SOX12: variants seen among roughly 807,000 people sequenced by gnomAD.
SOX12 encodes transcription factor SOX-12.
In SOX12, 8 loss-of-function variants were observed where a neutral mutation model predicts 21.5. The ratio of observed to expected loss-of-function variants is 0.37; its 90% CI spans 0.22 to 0.67. SOX12 has a LOEUF of 0.67. SOX12 is among the 30% of genes least tolerant of loss of function. The pLI is 0.56. For synonymous variants in SOX12, 235 were observed against 224.2 expected (o/e 1.05, Z -0.43); for missense variants, 400 against 482.6 (o/e 0.83, Z 1.60).
chr20:325,820 C>A lies in SOX12; in HGVS notation c.-105C>A. ...AGTTCGCGGGGGCCGGGCCGAGCCG[C>A]GGGGCGGGGCCGCCCCTCCGTCGCC... On this transcript the variant is annotated 5_prime_UTR_variant, in exon 1 of 1. Coordinates refer to ENST00000342665, the MANE Select transcript of SOX12 (RefSeq NM_006943.4). The surrounding 1 kb of genome is among the most constrained non-coding windows in gnomAD (Gnocchi z 5.0). The A allele has an allele frequency of 1.9e-6, 1 of 540,456 alleles. No individual in the cohort carries two copies. The highest frequency in any genetic ancestry group is 2.4e-6 in the Non-Finnish European group (1 of 420,706). The allele number at this position is 540,456 out of a possible 1,614,324, so 33.5% of individuals were successfully genotyped here. A position where few individuals can be genotyped will look rare whatever the true frequency, so the allele number is the denominator to read the frequency against.
Position 329,262 on chromosome 20 carries a change from A to T in SOX12, c.*2390A>T, listed in dbSNP as rs1384778327. On this transcript the variant is annotated 3_prime_UTR_variant, in exon 1 of 1. Transcript: ENST00000342665. ...AGCTCCACCACTGAGCACCCGTGTG[A>T]CTCTTTCCATATGTATAACGTGGGG... 1 of 166,994 alleles carries T rather than the reference A, an allele frequency of 6.0e-6. No homozygotes were observed. The highest frequency in any genetic ancestry group is 1.9e-4 in the East Asian group (1 of 5,196). The allele number at this position is 166,994 out of a possible 1,614,324, so 10.3% of individuals were successfully genotyped here. A position where few individuals can be genotyped will look rare whatever the true frequency, so the allele number is the denominator to read the frequency against.
chr20:327,181 C>G lies in SOX12; in HGVS notation c.*309C>G, dbSNP rs181028517. On this transcript the variant is annotated 3_prime_UTR_variant, in exon 1 of 1. Coordinates refer to ENST00000342665, the MANE Select transcript of SOX12 (RefSeq NM_006943.4). ...CTCCTACAGACCTGCACCCCTCCCC[C>G]CTTTTGCACACGCCCCTCCTCGTGG... The G allele has an allele frequency of 8.3e-5, 33 of 395,772 alleles. No individual in the cohort carries two copies. The highest frequency in any genetic ancestry group is 5.5e-4 in the African/African-American group (26 of 47,384). 24.5% of individuals were successfully genotyped at this position (395,772 alleles called of 1,614,324 possible).
At position 328,170 on chromosome 20, in the gene SOX12, G is replaced by C. The variant is rs1214932699; in HGVS notation, c.*1298G>C. The C allele has an allele frequency of 1.8e-5, 3 of 167,038 alleles. No homozygotes were observed. The East Asian group carries it at 5.8e-4, about 32-fold the overall frequency. The allele number at this position is 167,038 out of a possible 1,614,324, so 10.3% of individuals were successfully genotyped here. A position where few individuals can be genotyped will look rare whatever the true frequency, so the allele number is the denominator to read the frequency against. ...CCACGTGAGAAATGGGGAGAACGCTGCTGTTAGGAGGAAGTTGTGTCCAGT... is the reference window on the plus strand; with the variant it reads ...CCACGTGAGAAATGGGGAGAACGCTCCTGTTAGGAGGAAGTTGTGTCCAGT... On this transcript the variant is annotated 3_prime_UTR_variant, in exon 1 of 1. Coordinates refer to ENST00000342665, the MANE Select transcript of SOX12 (RefSeq NM_006943.4).
In SOX12 at chr20:325,928, G is replaced by A; in HGVS notation, c.4G>A (p.Val2Met). The change falls in exon 1 of 1, where the codon GTG becomes ATG. Residue 2 changes from valine (V) to methionine (M), a missense_variant. Physicochemically the swap from Val to Met is conservative, Grantham distance 21. Coordinates refer to ENST00000342665, the MANE Select transcript of SOX12 (RefSeq NM_006943.4). The surrounding 1 kb of genome is among the most constrained non-coding windows in gnomAD (Gnocchi z 5.0). ...AGCGGCCCCGGGCCCAGGCGCGATG[G>A]TGCAGCAGCGGGGCGCGAGGGCCAA... M[V>M]QQRGARAKRD... is the part of the protein sequence containing the mutation. 3 of 1,247,344 alleles carry A rather than the reference G, an allele frequency of 2.4e-6. No individual in the cohort carries two copies. The highest frequency in any genetic ancestry group is 3.0e-6 in the Non-Finnish European group (3 of 996,342). The allele number at this position is 1,247,344 out of a possible 1,614,324, so 77.3% of individuals were successfully genotyped here.
Position 326,212 on chromosome 20 carries a change from G to A in SOX12, c.288G>A (p.Leu96=), listed in dbSNP as rs2013084192. 8 of 1,592,066 alleles carry A rather than the reference G, an allele frequency of 5.0e-6. No homozygotes were observed. Among genetic ancestry groups the A allele is most frequent in the Non-Finnish European group, 6.8e-6 (8 of 1,170,258 alleles). ...CGTTCGTGCGGGAGGCGGAGCGGCT[G>A]CGGCTCAAGCACATGGCGGATTACC... ...KIPFVREAER[L]RLKHMADYPD... Residue 96 remains leucine (L), a synonymous_variant, in exon 1 of 1, where the codon CTG becomes CTA. Transcript: ENST00000342665. This position sits in a 1 kb window ranked among gnomAD's most constrained non-coding sequence, Gnocchi z 9.9.
Position 326,321 on chromosome 20 carries a change from G to T in SOX12, c.397G>T (p.Gly133Cys). ...CCGCCCCCCCGGTGGTAGCGGTGGCGGCAGCCGGCTCAAGCCCGGGCCGCA... is the reference window on the plus strand; with the variant it reads ...CCGCCCCCCCGGTGGTAGCGGTGGCTGCAGCCGGCTCAAGCCCGGGCCGCA... ...RPRPPGGSGG[G>C]SRLKPGPQLP... The change falls in exon 1 of 1, where the codon GGC becomes TGC. Residue 133 changes from glycine to cysteine, a missense_variant. Coordinates refer to ENST00000342665, the MANE Select transcript of SOX12 (RefSeq NM_006943.4). This position sits in a 1 kb window ranked among gnomAD's most constrained non-coding sequence, Gnocchi z 9.9. 7.3e-7 allele frequency: 1 copy of T among 1,377,310 alleles called. No individual in the cohort carries two copies. The highest frequency in any genetic ancestry group is 1.7e-5 in the South Asian group (1 of 58,434). 85.3% of individuals were successfully genotyped at this position (1,377,310 alleles called of 1,614,324 possible).
At position 329,048 on chromosome 20, in the gene SOX12, A is replaced by G. The variant is rs6050276; in HGVS notation, c.*2176A>G. The G allele has an allele frequency of 0.11, 18,828 of 167,068 alleles. 1,475 individuals carry two copies. The highest frequency in any genetic ancestry group is 0.23 in the African/African-American group (9,674 of 41,510). The allele number at this position is 167,068 out of a possible 1,614,324, so 10.3% of individuals were successfully genotyped here. On this transcript the variant is annotated 3_prime_UTR_variant, in exon 1 of 1. Coordinates refer to ENST00000342665, the MANE Select transcript of SOX12 (RefSeq NM_006943.4). The stretch of plus-strand genomic sequence containing the variant: ...GGCCAGGTGGCCAGATTTTTCAAGA[A>G]AAGCTGGATGGATGTTTCTGAGTCA...
rs2013146647 is a variant in SOX12, at chr20:328,628, T to C, written c.*1756T>C. 6.1e-6 allele frequency: 1 copy of C among 164,832 alleles called. No individual in the cohort carries two copies. The highest frequency in any genetic ancestry group is 1.5e-5 in the Non-Finnish European group (1 of 67,898). The allele number at this position is 164,832 out of a possible 1,614,324, so 10.2% of individuals were successfully genotyped here. A position where few individuals can be genotyped will look rare whatever the true frequency, so the allele number is the denominator to read the frequency against. On this transcript the variant is annotated 3_prime_UTR_variant, in exon 1 of 1. Transcript: ENST00000342665. ...ACTGTCTGTGGTCTTGGAGAACTAG[T>C]CTCGTAGCTGAGGGGTGGGGTCCCT...
In SOX12 at chr20:326,311, T is replaced by C; in HGVS notation, c.387T>C (p.Gly129=). 7.2e-7 allele frequency: 1 copy of C among 1,392,720 alleles called. No homozygotes were observed. The highest frequency in any genetic ancestry group is 9.4e-7 in the Non-Finnish European group (1 of 1,069,412). 86.3% of individuals were successfully genotyped at this position (1,392,720 alleles called of 1,614,324 possible). Reference sequence around the variant, plus strand: ...AGGCGCGGCCCCGCCCCCCCGGTGGTAGCGGTGGCGGCAGCCGGCTCAAGC... The same window carrying C: ...AGGCGCGGCCCCGCCCCCCCGGTGGCAGCGGTGGCGGCAGCCGGCTCAAGC... ...PAKARPRPPG[G]SGGGSRLKPG... The change falls in exon 1 of 1, where the codon GGT becomes GGC. Residue 129 remains glycine (G), a synonymous_variant. Coordinates refer to ENST00000342665, the MANE Select transcript of SOX12 (RefSeq NM_006943.4). The surrounding 1 kb of genome is among the most constrained non-coding windows in gnomAD (Gnocchi z 9.9).
rs55771757 is a variant in SOX12, at chr20:326,997, G to A, written c.*125G>A. 5 of 871,696 alleles carry A rather than the reference G, an allele frequency of 5.7e-6. No homozygotes were observed. Among genetic ancestry groups the A allele is most frequent in the Admixed American group, 1.9e-5 (1 of 52,998 alleles). 54.0% of individuals were successfully genotyped at this position (871,696 alleles called of 1,614,324 possible). ...CCGCGCAGCCTGCCCCCTCCTGGAC[G>A]TGCCCATCCCCCCTCAGATCCAGAC... On this transcript the variant is annotated 3_prime_UTR_variant, in exon 1 of 1. Coordinates refer to ENST00000342665, the MANE Select transcript of SOX12 (RefSeq NM_006943.4). The surrounding 1 kb of genome is among the most constrained non-coding windows in gnomAD (Gnocchi z 9.9).
chr20:327,018 C>A lies in SOX12; in HGVS notation c.*146C>A. ...GGACGTGCCCATCCCCCCTCAGATCCAGACATGCCCCTCCCCCGCAGACAC... is the reference window on the plus strand; with the variant it reads ...GGACGTGCCCATCCCCCCTCAGATCAAGACATGCCCCTCCCCCGCAGACAC... On this transcript the variant is annotated 3_prime_UTR_variant, in exon 1 of 1. Transcript: ENST00000342665. 1.4e-6 allele frequency: 1 copy of A among 739,088 alleles called. No individual in the cohort carries two copies. Among genetic ancestry groups the A allele is most frequent in the Non-Finnish European group, 2.4e-6 (1 of 420,348 alleles). The allele number at this position is 739,088 out of a possible 1,614,324, so 45.8% of individuals were successfully genotyped here. A position where few individuals can be genotyped will look rare whatever the true frequency, so the allele number is the denominator to read the frequency against.
chr20:325,883 G>A lies in SOX12; in HGVS notation c.-42G>A. The A allele has an allele frequency of 9.4e-7, 1 of 1,059,218 alleles. No homozygotes were observed. Among genetic ancestry groups the A allele is most frequent in the Non-Finnish European group, 1.1e-6 (1 of 879,054 alleles). The allele number at this position is 1,059,218 out of a possible 1,614,324, so 65.6% of individuals were successfully genotyped here. On this transcript the variant is annotated 5_prime_UTR_variant, in exon 1 of 1. Coordinates refer to ENST00000342665, the MANE Select transcript of SOX12 (RefSeq NM_006943.4). This position sits in a 1 kb window ranked among gnomAD's most constrained non-coding sequence, Gnocchi z 5.0. ...CCCACCCCCAGCCGCGGAGGATGCG[G>A]ACGGCCCCCGGCGGCGTCTAGCGGC...
chr20:325,918 A>G lies in SOX12; in HGVS notation c.-7A>G, dbSNP rs1379983363. ...GGCGGCGTCTAGCGGCCCCGGGCCC[A>G]GGCGCGATGGTGCAGCAGCGGGGCG... On this transcript the variant is annotated 5_prime_UTR_variant, in exon 1 of 1. Coordinates refer to ENST00000342665, the MANE Select transcript of SOX12 (RefSeq NM_006943.4). The surrounding 1 kb of genome is among the most constrained non-coding windows in gnomAD (Gnocchi z 5.0). The G allele has an allele frequency of 3.0e-5, 35 of 1,149,350 alleles. No individual in the cohort carries two copies. The South Asian group carries it at 1.3e-3, about 43-fold the overall frequency. 71.2% of individuals were successfully genotyped at this position (1,149,350 alleles called of 1,614,324 possible).
In SOX12 at chr20:328,932, C is replaced by T. The variant is rs1170751166; in HGVS notation, c.*2060C>T. ...GTAGGGACCAGGCAGGTAACATAGA[C>T]GAGTGACTCTGGGTGGACAGTGGTG... is the stretch of plus-strand genomic sequence containing the variant. On this transcript the variant is annotated 3_prime_UTR_variant, in exon 1 of 1. Transcript: ENST00000342665. 1 of 167,094 alleles carries T rather than the reference C, an allele frequency of 6.0e-6. No individual in the cohort carries two copies. The highest frequency in any genetic ancestry group is 1.5e-5 in the Non-Finnish European group (1 of 68,156). The allele number at this position is 167,094 out of a possible 1,614,324, so 10.4% of individuals were successfully genotyped here.
Position 327,198 on chromosome 20 carries a change from T to G in SOX12, c.*326T>G. 1 of 289,050 alleles carries G rather than the reference T, an allele frequency of 3.5e-6. No individual in the cohort carries two copies. 17.9% of individuals were successfully genotyped at this position (289,050 alleles called of 1,614,324 possible). A position where few individuals can be genotyped will look rare whatever the true frequency, so the allele number is the denominator to read the frequency against. On this transcript the variant is annotated 3_prime_UTR_variant, in exon 1 of 1. Transcript: ENST00000342665. ...CCCTCCCCCCTTTTGCACACGCCCC[T>G]CCTCGTGGCCGGAGGACCCGCCCCC...
Position 327,001 on chromosome 20 carries a change from C to T in SOX12, c.*129C>T. On this transcript the variant is annotated 3_prime_UTR_variant, in exon 1 of 1. Transcript: ENST00000342665. ...GCAGCCTGCCCCCTCCTGGACGTGC[C>T]CATCCCCCCTCAGATCCAGACATGC... 1.2e-6 allele frequency: 1 copy of T among 852,088 alleles called. No homozygotes were observed. The highest frequency in any genetic ancestry group is 1.4e-5 in the South Asian group (1 of 71,462). The allele number at this position is 852,088 out of a possible 1,614,324, so 52.8% of individuals were successfully genotyped here. A position where few individuals can be genotyped will look rare whatever the true frequency, so the allele number is the denominator to read the frequency against.
Position 327,137 on chromosome 20 carries a change from C to G in SOX12, c.*265C>G. On this transcript the variant is annotated 3_prime_UTR_variant, in exon 1 of 1. Coordinates refer to ENST00000342665, the MANE Select transcript of SOX12 (RefSeq NM_006943.4). ...CACAGCCACCAGCAGCCAGCCCCCT[C>G]CGATACACCTCCCGTCCTCTCCTAC... 5.5e-6 allele frequency: 3 copies of G among 547,144 alleles called. No homozygotes were observed. The highest frequency in any genetic ancestry group is 3.4e-6 in the Non-Finnish European group (1 of 294,414). The allele number at this position is 547,144 out of a possible 1,614,324, so 33.9% of individuals were successfully genotyped here.
At position 327,738 on chromosome 20, in the gene SOX12, G is replaced by T. The variant is rs1308391429; in HGVS notation, c.*866G>T. 6.0e-6 allele frequency: 1 copy of T among 167,146 alleles called. No homozygotes were observed. The highest frequency in any genetic ancestry group is 1.5e-5 in the Non-Finnish European group (1 of 68,186). 10.4% of individuals were successfully genotyped at this position (167,146 alleles called of 1,614,324 possible). On this transcript the variant is annotated 3_prime_UTR_variant, in exon 1 of 1. Coordinates refer to ENST00000342665, the MANE Select transcript of SOX12 (RefSeq NM_006943.4). ...TTTCCCCCCAACTGGGAATTGAGAGGTAAGGTCTTTCTCTGGAAATCCAGC... is the reference window on the plus strand; with the variant it reads ...TTTCCCCCCAACTGGGAATTGAGAGTTAAGGTCTTTCTCTGGAAATCCAGC...
chr20:326,821 C>T lies in SOX12; in HGVS notation c.897C>T (p.Ile299=), dbSNP rs769070144. The T allele has an allele frequency of 6.2e-7, 1 of 1,613,516 alleles. No homozygotes were observed. Among genetic ancestry groups the T allele is most frequent in the Non-Finnish European group, 8.5e-7 (1 of 1,179,914 alleles). ...GCACCCCCGAGGTTACCGAGATGATCGCGGGGGACTGGCGCCCGTCTAGCA... is the reference window on the plus strand; with the variant it reads ...GCACCCCCGAGGTTACCGAGATGATTGCGGGGGACTGGCGCCCGTCTAGCA... ...DYCTPEVTEM[I]AGDWRPSSIA... The change falls in exon 1 of 1, where the codon ATC becomes ATT. Residue 299 remains isoleucine (I), a synonymous_variant. Coordinates refer to ENST00000342665, the MANE Select transcript of SOX12 (RefSeq NM_006943.4). This position sits in a 1 kb window ranked among gnomAD's most constrained non-coding sequence, Gnocchi z 9.9.
Sources: gnomAD v4.1 joint callset for allele counts on GRCh38, gnomAD v4.1.1 for gene constraint, Gnocchi (gnomAD v3.1) non-coding constraint, MANE v1.5 for transcripts, NCBI Gene and HGNC (gene_info 2026-07-23, HGNC 2026-07-21) for gene names.